The following DNAJA3 variants were observed in gnomAD, a reference collection of about 807,000 sequenced individuals.
DNAJA3 encodes the protein dnaJ homolog subfamily A member 3, mitochondrial.
DNAJA3 carries 29 observed loss-of-function variants against 54.9 expected under a neutral mutation model. The ratio of observed to expected loss-of-function variants is 0.53; its 90% confidence interval spans 0.39 to 0.72. The LOEUF is 0.72. DNAJA3 is among the 30% of genes least tolerant of loss of function. The probability of loss-of-function intolerance (pLI) is 0.00; values close to 1 mark genes in which losing one functional copy is unlikely to be tolerated. For missense variants in DNAJA3, 708 were observed against 639.4 expected (o/e 1.11, Z -1.16); for synonymous variants, 302 against 251.4 (o/e 1.20, Z -1.90).
At position 4,434,216 on chromosome 16, in the gene DNAJA3, G is replaced by A. The variant is rs565408879; in HGVS notation, c.212-168G>A. 9 of 683,824 alleles carry A rather than the reference G, an allele frequency of 1.3e-5. No individual in the cohort carries two copies. The East Asian group carries it at 1.4e-4, about 11-fold the overall frequency. 42.4% of individuals were successfully genotyped at this position (683,824 alleles called of 1,614,324 possible). On this transcript the variant is annotated intron_variant, in intron 1 of 11. Coordinates refer to ENST00000262375, the MANE Select transcript of DNAJA3 (RefSeq NM_005147.6). ...TCCCATCAGGTCCCTCCCATGACACGTGGGGATTATGGGAACTAAAATTCT... is the reference window on the plus strand; with the variant it reads ...TCCCATCAGGTCCCTCCCATGACACATGGGGATTATGGGAACTAAAATTCT...
In DNAJA3 at chr16:4,456,210, G is replaced by T. The variant is rs1267119503; in HGVS notation, c.*678G>T. 6.5e-6 allele frequency: 1 copy of T among 153,030 alleles called. No individual in the cohort carries two copies. The highest frequency in any genetic ancestry group is 1.5e-5 in the Non-Finnish European group (1 of 68,632). The allele number at this position is 153,030 out of a possible 1,614,324, so 9.5% of individuals were successfully genotyped here. A position where few individuals can be genotyped will look rare whatever the true frequency, so the allele number is the denominator to read the frequency against. On this transcript the variant is annotated 3_prime_UTR_variant, in exon 12 of 12. Coordinates refer to ENST00000262375, the MANE Select transcript of DNAJA3 (RefSeq NM_005147.6). ...GTGGTGATCCTTGTCAGGATGTACA[G>T]TCCTTGCTCCCACCCCATCCGGGAT...
At chr16:4,442,747 G>A in intron 5 of DNAJA3, 1 of 562,064 alleles carries the variant, frequency 1.8e-6, no homozygotes, top group South Asian at 2.5e-5. Context: ...GCTCCCAGGA[G>A]TCTTCAGGTA....
intron 9 of DNAJA3, 58 bp downstream of exon 9, chr16:4,448,906 G>T: frequency 7.5e-7 from 1 of 1,324,536 alleles, no homozygotes; most frequent in South Asian, 1.2e-5. Context: ...CACTGCCCTT[G>T]GAGCTCTGTG....
chr16:4,438,069 C>T (rs2056793435), intron 3 of DNAJA3, among the ~76,000 whole-genome samples: 1 of 152,046 alleles, frequency 6.6e-6, no homozygotes. Flanking sequence ...GTAATCCCAA[C>T]ACTTTGGGAG....
At chr16:4,437,597 A>G (rs1445542541) in intron 3 of DNAJA3, 112 bp downstream of exon 3, 8 of 798,274 alleles carry the variant, frequency 1.0e-5, no homozygotes, top group Admixed American at 2.6e-5. Context: ...TGTGAAGGCC[A>G]TGTCCCTGCG....
At chr16:4,432,883 G>A (rs962419064) in intron 1 of DNAJA3, among the ~76,000 whole-genome samples, 6 of 151,640 alleles carry the variant, frequency 4.0e-5, no homozygotes, top group Admixed American at 1.3e-4. Context: ...GGCTCACGCC[G>A]GTAATCCCAG....
chr16:4,446,715 T>C (rs548795766), intron 7 of DNAJA3, among the ~76,000 whole-genome samples, 171 bp from the exon 8 acceptor site: 3 of 152,318 alleles, frequency 2.0e-5, no homozygotes, highest in South Asian at 4.1e-4. Flanking sequence ...TTCCTGGGCC[T>C]GGGATGGTGT....
chr16:4,426,267 C>T (rs1455462227), intron 1 of DNAJA3, among the ~76,000 whole-genome samples, 175 bp downstream of exon 1: 1 of 152,184 alleles, frequency 6.6e-6, no homozygotes, highest in Admixed American at 6.5e-5. Flanking sequence ...GGCTGCTCAG[C>T]CGTCAAGGAA....
intron 1 of DNAJA3, 87 bp from the exon 2 acceptor site, chr16:4,434,297 C>T (rs889663774): frequency 1.4e-6 from 2 of 1,452,160 alleles, no homozygotes; most frequent in Non-Finnish European, 1.9e-6. Flanking sequence ...TGTTCCTTCA[C>T]AGATATAGCC....
intron 2 of DNAJA3, among the ~76,000 whole-genome samples, chr16:4,435,993 G>A (rs369636130): frequency 1.0e-3 from 157 of 152,256 alleles, no homozygotes; most frequent in African/African-American, 3.6e-3. Flanking sequence ...AACTATTATC[G>A]TCTGTCTTTT....
At chr16:4,426,839 G>A (rs537197020) in intron 1 of DNAJA3, 14 of 152,278 alleles carry the variant, frequency 9.2e-5, no homozygotes, top group African/African-American at 3.4e-4. Flanking sequence ...CAAGGAGGTG[G>A]AGGCTTGATA....
Position 4,444,649 on chromosome 16 carries a change from T to G in DNAJA3, c.932-15T>G. 6.2e-7 allele frequency: 1 copy of G among 1,613,676 alleles called. No homozygotes were observed. The highest frequency in any genetic ancestry group is 8.5e-7 in the Non-Finnish European group (1 of 1,179,602). ...GCGTCCTGCCTAACTTCTCCCTTTC[T>G]AATGTCCCTTGTAGGAGTCGAGGAT... On this transcript the variant is annotated splice_polypyrimidine_tract_variant and intron_variant, in intron 6 of 11. Transcript: ENST00000262375.
chr16:4,455,436 T>C, intron 11 of DNAJA3, 110 bp from the exon 12 acceptor site: 1 of 1,331,492 alleles, frequency 7.5e-7, no homozygotes, highest in Non-Finnish European at 1.0e-6. Flanking sequence ...AGTGGGGTTC[T>C]CGCCCCTCTC....
At chr16:4,450,972 C>T (rs1050026484) in intron 10 of DNAJA3, among the ~76,000 whole-genome samples, 4 of 152,204 alleles carry the variant, frequency 2.6e-5, no homozygotes, top group Non-Finnish European at 1.5e-5. Flanking sequence ...CAGCAGACTC[C>T]GTCCGCCGCT....
intron 1 of DNAJA3, among the ~76,000 whole-genome samples, chr16:4,428,882 ATTTTTTT>A (rs766170292): frequency 1.8e-5 from 2 of 108,444 alleles, no homozygotes; most frequent in African/African-American, 3.8e-5. Context: ...CTACAAAAAG[ATTTTTTT>A]TTTTTTTTTT....
At chr16:4,436,965 C>CATT (rs895804979) in intron 2 of DNAJA3, among the ~76,000 whole-genome samples, 2 of 151,938 alleles carry the variant, frequency 1.3e-5, no homozygotes, top group South Asian at 2.1e-4. Context: ...TAAAACAGAT[C>CATT]ATTATTATTA....
intron 2 of DNAJA3, among the ~76,000 whole-genome samples, chr16:4,434,886 CTT>C (rs202179531): frequency 1.3e-3 from 132 of 100,126 alleles, no homozygotes; most frequent in African/African-American, 5.2e-3. Context: ...CCTTTCCTTT[CTT>C]TTTTTTTTTT....
intron 10 of DNAJA3, among the ~76,000 whole-genome samples, chr16:4,452,743 T>C (rs528855545): frequency 6.6e-6 from 1 of 152,256 alleles, no homozygotes; most frequent in South Asian, 2.1e-4. Context: ...ACTCTGTCTC[T>C]ACAAAAAATT....
intron 10 of DNAJA3, among the ~76,000 whole-genome samples, chr16:4,453,310 T>TA (rs1442898629): frequency 1.3e-5 from 2 of 152,118 alleles, no homozygotes; most frequent in African/African-American, 4.8e-5. Context: ...ATGGTGTGCT[T>TA]AGAGACTCAG....
Sources: allele counts gnomAD v4.1 joint callset (sites outside exome capture counted in the v4.1 genomes callset), GRCh38; gene constraint gnomAD v4.1.1; transcripts MANE v1.5; gene names NCBI Gene and HGNC (gene_info 2026-07-23, HGNC 2026-07-21).